CDH13: variants seen among roughly 807,000 people sequenced by gnomAD.
CDH13 encodes the protein cadherin-13.
Under a neutral mutation model 63.8 loss-of-function variants are expected in CDH13, and 24 were observed. The ratio of observed to expected loss-of-function variants is 0.38; its 90% confidence interval spans 0.27 to 0.53. The LOEUF (loss-of-function observed/expected upper bound fraction) is 0.53. CDH13 is among the 20% of genes least tolerant of loss of function. The pLI, the probability that CDH13 is intolerant of heterozygous loss-of-function variation, is 0.85. For missense variants in CDH13, 1,049 were observed against 903.1 expected (o/e 1.16, Z -2.07); for synonymous variants, 503 against 355.3 (o/e 1.42, Z -4.67).
At chr16:83,161,800 C>G (rs2037457619) in intron 4 of CDH13, among the ~76,000 whole-genome samples, 1 of 152,188 alleles carries the variant, frequency 6.6e-6, no homozygotes, top group African/African-American at 2.4e-5. Flanking sequence ...AACAACAACT[C>G]TAAAAGATTC....
intron 6 of CDH13, among the ~76,000 whole-genome samples, chr16:83,442,026 T>C (rs1419037668): frequency 1.3e-5 from 2 of 152,150 alleles, no homozygotes; most frequent in South Asian, 2.1e-4. Context: ...GGGAGCGAGA[T>C]GACAGAGTCT....
chr16:83,523,717 T>A (rs542377549), intron 7 of CDH13, among the ~76,000 whole-genome samples: 1 of 152,318 alleles, frequency 6.6e-6, no homozygotes, highest in African/African-American at 2.4e-5. Flanking sequence ...GCATGTCCGG[T>A]TGCACATCCC....
intron 7 of CDH13, among the ~76,000 whole-genome samples, chr16:83,586,852 G>A (rs1418988588): frequency 1.3e-5 from 2 of 152,168 alleles, no homozygotes; most frequent in Non-Finnish European, 2.9e-5. Context: ...TTGGACAACA[G>A]CTGTGGTGTA....
chr16:83,216,425 T>TATATATATATATATATATAA (rs1567513997), intron 4 of CDH13, among the ~76,000 whole-genome samples: 7 of 101,084 alleles, frequency 6.9e-5, no homozygotes, highest in East Asian at 6.3e-4. Context: ...TATATATATA[T>TATATATATATATATATATAA]ATATATATAT....
chr16:83,610,675 T>C (rs970767124), intron 8 of CDH13, among the ~76,000 whole-genome samples: 10 of 152,380 alleles, frequency 6.6e-5, no homozygotes, highest in African/African-American at 2.2e-4. Context: ...TCATGTTCGT[T>C]ACCATGCAAA....
intron 1 of CDH13, among the ~76,000 whole-genome samples, chr16:82,844,144 G>C (rs2039148524): frequency 6.6e-6 from 1 of 152,122 alleles, no homozygotes; most frequent in African/African-American, 2.4e-5. Flanking sequence ...GCTTACAGAA[G>C]GGAAGTAGGA....
chr16:83,585,693 G>C (rs374789971), intron 7 of CDH13, among the ~76,000 whole-genome samples: 1 of 151,960 alleles, frequency 6.6e-6, no homozygotes, highest in Non-Finnish European at 1.5e-5. Context: ...TTAGAGACTC[G>C]GTGGAGATTG....
chr16:83,201,753 A>T (rs1203819529), intron 4 of CDH13, among the ~76,000 whole-genome samples: 1 of 151,556 alleles, frequency 6.6e-6, no homozygotes, highest in Non-Finnish European at 1.5e-5. Context: ...TTAAAAAAAA[A>T]AAAAACACAA....
At chr16:83,656,951 C>T (rs1912924626) in intron 8 of CDH13, among the ~76,000 whole-genome samples, 1 of 152,174 alleles carries the variant, frequency 6.6e-6, no homozygotes, top group East Asian at 1.9e-4. Context: ...AGCTCTTGGG[C>T]TCCAGGAAAG....
At chr16:83,014,784 ATATATTTGTATATATATATG>A (rs1914562949) in intron 2 of CDH13, among the ~76,000 whole-genome samples, 17 of 93,608 alleles carry the variant, frequency 1.8e-4, no homozygotes, top group East Asian at 3.5e-4. Flanking sequence ...ATGTATATAT[ATATATTTGTATATATATATG>A]TATATATATT....
At chr16:83,349,120 C>T (rs2090899397) in intron 6 of CDH13, among the ~76,000 whole-genome samples, 4 of 152,270 alleles carry the variant, frequency 2.6e-5, no homozygotes, top group South Asian at 4.2e-4. Context: ...GTGAATCATT[C>T]CTGGATGAAG....
At chr16:83,121,962 TCACA>T (rs10665608) in intron 3 of CDH13, among the ~76,000 whole-genome samples, 4,952 of 147,504 alleles carry the variant, frequency 0.034, 116 homozygotes, top group South Asian at 0.047. Context: ...TTTAAAACTG[TCACA>T]CACACACACA....
rs150475765 is a variant in CDH13 at position 83,689,926 on chromosome 16, C to T, written c.1538+11465C>T. 1.1e-3 allele frequency among the ~76,000 whole-genome samples: 162 copies of T among 152,328 alleles called. 2 individuals carry two copies. Among genetic ancestry groups the T allele is most frequent in the Middle Eastern group, 6.8e-3 (2 of 294 alleles). ...GTTGGCCGGGAGCAGTGGCTCACACCGGCAATCCCAGCACTTTGGGAGGCC... is the reference window on the plus strand; with the variant it reads ...GTTGGCCGGGAGCAGTGGCTCACACTGGCAATCCCAGCACTTTGGGAGGCC... On this transcript the variant is annotated intron_variant, in intron 10 of 13. Coordinates refer to ENST00000567109, the MANE Select transcript of CDH13 (RefSeq NM_001257.5).
intron 5 of CDH13, among the ~76,000 whole-genome samples, chr16:83,310,615 C>T (rs140276107): frequency 2.0e-5 from 3 of 152,348 alleles, no homozygotes; most frequent in Non-Finnish European, 2.9e-5. Context: ...CACCTTTCTG[C>T]CTTTGCTCAC....
At chr16:83,292,021 T>G (rs1398026678) in intron 5 of CDH13, among the ~76,000 whole-genome samples, 1 of 152,214 alleles carries the variant, frequency 6.6e-6, no homozygotes, top group Non-Finnish European at 1.5e-5. Flanking sequence ...GTAATGTCCT[T>G]GAGGTATCAT....
chr16:83,290,108 A>G (rs191643743), intron 5 of CDH13, among the ~76,000 whole-genome samples: 8 of 152,280 alleles, frequency 5.3e-5, no homozygotes, highest in African/African-American at 1.4e-4. Context: ...TCTTTCAGTC[A>G]TCATGGTTAG....
At chr16:83,619,234 G>A (rs1909578950) in intron 8 of CDH13, among the ~76,000 whole-genome samples, 1 of 152,190 alleles carries the variant, frequency 6.6e-6, no homozygotes, top group Non-Finnish European at 1.5e-5. Flanking sequence ...GGCAGTGAGT[G>A]AAGTGAACAG....
At chr16:83,060,515 C>T (rs1284311853) in intron 3 of CDH13, among the ~76,000 whole-genome samples, 2 of 152,120 alleles carry the variant, frequency 1.3e-5, no homozygotes, top group Non-Finnish European at 2.9e-5. Context: ...TCCATTAACT[C>T]ATGTCATATT....
intron 8 of CDH13, 118 bp from the exon 9 acceptor site, chr16:83,670,672 C>G: frequency 1.1e-6 from 1 of 942,896 alleles, no homozygotes; most frequent in South Asian, 1.6e-5. Context: ...CCGTAATCCT[C>G]TTATGTTATT....
Sources: allele counts gnomAD v4.1 joint callset (sites outside exome capture counted in the v4.1 genomes callset), GRCh38; gene constraint gnomAD v4.1.1; transcripts MANE v1.5; gene names NCBI Gene and HGNC (gene_info 2026-07-23, HGNC 2026-07-21).